The following PPARG variants were observed in gnomAD, a reference collection of about 807,000 sequenced individuals.
The protein encoded by PPARG is peroxisome proliferator-activated receptor gamma.
Under a neutral mutation model 39.2 loss-of-function variants are expected in PPARG, and 17 were observed. The ratio of observed to expected loss-of-function variants is 0.43; its 90% CI spans 0.30 to 0.65. The LOEUF (loss-of-function observed/expected upper bound fraction) is 0.65. PPARG is among the 30% of genes least tolerant of loss of function. The pLI, the probability that PPARG is intolerant of heterozygous loss-of-function variation, is 0.13. For missense variants in PPARG, 406 were observed against 585.9 expected (o/e 0.69, Z 3.17); for synonymous variants, 223 against 215.7 (o/e 1.03, Z -0.30).
At chr3:12,351,938 C>A (rs1179516737) in intron 2 of PPARG, among the ~76,000 whole-genome samples, 2 of 152,176 alleles carry the variant, frequency 1.3e-5, no homozygotes, top group Non-Finnish European at 2.9e-5. Flanking sequence ...ATAGTTATAT[C>A]CAAAAACAAT....
chr3:12,370,910 C>G (rs1186975212), intron 2 of PPARG, among the ~76,000 whole-genome samples: 1 of 152,132 alleles, frequency 6.6e-6, no homozygotes, highest in African/African-American at 2.4e-5. Flanking sequence ...TGTGGACTCT[C>G]CTTTTCCAGA....
chr3:12,370,277 G>C (rs1451050250), intron 2 of PPARG, among the ~76,000 whole-genome samples: 4 of 151,390 alleles, frequency 2.6e-5, no homozygotes, highest in African/African-American at 9.7e-5. Context: ...TCTGATTCCT[G>C]ATCCTTTCTA....
intron 2 of PPARG, among the ~76,000 whole-genome samples, chr3:12,369,955 A>G (rs918532432): frequency 2.4e-4 from 37 of 151,970 alleles, no homozygotes; most frequent in Non-Finnish European, 7.4e-5. Flanking sequence ...TTCCTCCTGC[A>G]TTTTCTCTAG....
chr3:12,417,072 T>C lies in PPARG; in HGVS notation c.1098T>C (p.Phe366=). 1 of 1,613,564 alleles carries C rather than the reference T, an allele frequency of 6.2e-7. No homozygotes were observed. The highest frequency in any genetic ancestry group is 8.5e-7 in the Non-Finnish European group (1 of 1,179,560). The part of the protein sequence containing the change: ...KPFGDFMEPK[F]EFAVKFNALE... ...TTGGTGACTTTATGGAGCCCAAGTT[T>C]GAGTTTGCTGTGAAGTTCAATGCAC... Residue 366 remains phenylalanine, a synonymous_variant, in exon 7 of 8, where the codon TTT becomes TTC. Transcript: ENST00000651735.
Position 12,331,471 on chromosome 3 carries a change from G to A in PPARG, c.-9+19018G>A, listed in dbSNP as rs888415138. Among the ~76,000 whole-genome samples the A allele has an allele frequency of 3.3e-5, 5 of 152,178 alleles. No individual in the cohort carries two copies. In the South Asian group the frequency reaches 1.0e-3, roughly 31 times the overall value. ...GAATCCAGTGAGGCTTCAGAGAGAAGCAAGAACTAGGTTATTCAGGGTTTA... is the reference window on the plus strand; with the variant it reads ...GAATCCAGTGAGGCTTCAGAGAGAAACAAGAACTAGGTTATTCAGGGTTTA... On this transcript the variant is annotated intron_variant, in intron 2 of 7. Coordinates refer to ENST00000651735, the MANE Select transcript of PPARG (RefSeq NM_138711.6).
At chr3:12,422,419 G>A (rs939458837) in intron 7 of PPARG, among the ~76,000 whole-genome samples, 9 of 152,180 alleles carry the variant, frequency 5.9e-5, no homozygotes, top group African/African-American at 2.2e-4. Flanking sequence ...TGAGGTCAAG[G>A]TTCAGACCCA....
At chr3:12,308,343 C>CAAAAAAAAAAAAAAAAAAAAAAAAAA (rs57225468) in intron 1 of PPARG, among the ~76,000 whole-genome samples, 1 of 37,286 alleles carries the variant, frequency 2.7e-5, no homozygotes, top group Non-Finnish European at 4.7e-5. Flanking sequence ...GACCCTGTCT[C>CAAAAAAAAAAAAAAAAAAAAAAAAAA]AAAAAAAAAA....
intron 2 of PPARG, among the ~76,000 whole-genome samples, chr3:12,353,589 G>C (rs192048872): frequency 2.1e-4 from 32 of 152,142 alleles, no homozygotes; most frequent in African/African-American, 7.2e-4. Context: ...CAAATGGTTG[G>C]GTACTGCTAT....
intron 7 of PPARG, among the ~76,000 whole-genome samples, chr3:12,423,598 C>T (rs1195439987): frequency 2.0e-5 from 3 of 152,218 alleles, no homozygotes; most frequent in African/African-American, 7.2e-5. Flanking sequence ...TGCCTTCCAC[C>T]CCCTCTTCAT....
intron 3 of PPARG, among the ~76,000 whole-genome samples, chr3:12,380,771 G>A (rs1321230060): frequency 4.6e-5 from 7 of 152,066 alleles, no homozygotes; most frequent in Non-Finnish European, 1.0e-4. Context: ...GTTCCGCCAC[G>A]CTCTGTCAAA....
At chr3:12,399,921 T>C (rs936900386) in intron 5 of PPARG, among the ~76,000 whole-genome samples, 3 of 151,290 alleles carry the variant, frequency 2.0e-5, no homozygotes, top group African/African-American at 7.3e-5. Flanking sequence ...GCCCAGAAGG[T>C]TGCAGTGAGC....
rs566599622 is a variant in PPARG, at chr3:12,324,203, C to G, written c.-9+11750C>G. On this transcript the variant is annotated intron_variant, in intron 2 of 7. Transcript: ENST00000651735. The stretch of plus-strand genomic sequence containing the variant: ...CTGAGGCAGGAAAATCTCTTGAACC[C>G]AGGAGGTGGAGGTTGTAGTGAACCG... 5.9e-5 allele frequency among the ~76,000 whole-genome samples: 9 copies of G among 151,920 alleles called. No homozygotes were observed. The East Asian group carries it at 1.7e-3, about 29-fold the overall frequency.
chr3:12,385,470 A>G (rs575538515), intron 4 of PPARG, among the ~76,000 whole-genome samples: 72 of 152,286 alleles, frequency 4.7e-4, no homozygotes, highest in African/African-American at 1.7e-3. Context: ...GTAAAATAAA[A>G]CCTTTAGCAA....
upstream of PPARG, chr3:12,287,374 C>G (rs748150309): frequency 6.6e-6 from 1 of 152,248 alleles, no homozygotes; most frequent in Non-Finnish European, 1.5e-5. Flanking sequence ...ATGTAACTTA[C>G]AAACGCAAGG....
At chr3:12,367,517 G>A (rs1048633039) in intron 2 of PPARG, among the ~76,000 whole-genome samples, 2 of 151,946 alleles carry the variant, frequency 1.3e-5, no homozygotes, top group African/African-American at 4.8e-5. Flanking sequence ...AAACTCCCTA[G>A]ACAAGATGTG....
chr3:12,338,002 A>T (rs9876942), intron 2 of PPARG, among the ~76,000 whole-genome samples: 5 of 151,950 alleles, frequency 3.3e-5, no homozygotes, highest in Non-Finnish European at 5.9e-5. Flanking sequence ...TTCATGAATA[A>T]GGAAGGACAA....
intron 2 of PPARG, among the ~76,000 whole-genome samples, chr3:12,365,560 A>G (rs950374785): frequency 6.6e-6 from 1 of 151,920 alleles, no homozygotes; most frequent in East Asian, 1.9e-4. Context: ...TATGAAGAGA[A>G]TAAGCTCTGT....
chr3:12,351,666 T>C, intron 2 of PPARG: 1 of 1,606,292 alleles, frequency 6.2e-7, no homozygotes, highest in South Asian at 1.1e-5. Flanking sequence ...TCTGCAAACA[T>C]ATCACAAGGT....
rs34359034 is a variant in PPARG, at chr3:12,355,186, G to T, written c.-8-24518G>T. Among the ~76,000 whole-genome samples the T allele has an allele frequency of 2.3e-3, 351 of 152,134 alleles. 1 individual carries two copies. Among genetic ancestry groups the T allele is most frequent in the Middle Eastern group, 0.014 (4 of 294 alleles). ...CTCACTCTGTCACCCAGGCTAGAGT[G>T]CAGAGGCCTGATATCATATTTCACC... On this transcript the variant is annotated intron_variant, in intron 2 of 7. Transcript: ENST00000651735.
Sources: allele counts gnomAD v4.1 joint callset (sites outside exome capture counted in the v4.1 genomes callset), GRCh38; gene constraint gnomAD v4.1.1; transcripts MANE v1.5; gene names NCBI Gene and HGNC (gene_info 2026-07-23, HGNC 2026-07-21).